PUS10: variants seen among roughly 807,000 people sequenced by gnomAD.
PUS10 encodes the protein pseudouridine synthase 10, also known as tRNA pseudouridine synthase Pus10.
Under a neutral mutation model 75.0 loss-of-function variants are expected in PUS10, and 59 were observed. The observed-to-expected ratio is 0.79, with a 90% CI of 0.64 to 0.98. The LOEUF (loss-of-function observed/expected upper bound fraction) is 0.98, where lower values mean the gene tolerates loss of function less well. Among genes scored for constraint, PUS10 ranks in the 50% least tolerant of loss-of-function variants. PUS10 has a pLI of 0.00. For synonymous variants in PUS10, 219 were observed against 211.6 expected, an observed-to-expected ratio of 1.03 and a Z score of -0.30; for missense variants, 650 against 614.4, an observed-to-expected ratio of 1.06 and a Z score of -0.61.
At chr2:60,953,746 AT>A (rs1239235013) in intron 14 of PUS10, among the ~76,000 whole-genome samples, 186 bp downstream of exon 14, 2 of 152,140 alleles carry the variant, frequency 1.3e-5, no homozygotes, top group African/African-American at 4.8e-5. Flanking sequence ...TATGTTGAGC[AT>A]TTTTTCATAT....
chr2:60,956,093 A>C, intron 11 of PUS10, among the ~76,000 whole-genome samples: 1 of 141,786 alleles, frequency 7.1e-6, no homozygotes, highest in Non-Finnish European at 1.5e-5. Context: ...GGAGAAAATT[A>C]AAAAAAAAAA....
chr2:60,999,834 T>C (rs866160937), intron 4 of PUS10, among the ~76,000 whole-genome samples: 1 of 152,286 alleles, frequency 6.6e-6, no homozygotes, highest in Middle Eastern at 3.4e-3. Flanking sequence ...AAAGGATCTG[T>C]ACTGAGCAGG....
At chr2:61,015,134 T>C (rs1283650000) in intron 1 of PUS10, among the ~76,000 whole-genome samples, 1 of 152,132 alleles carries the variant, frequency 6.6e-6, no homozygotes, top group African/African-American at 2.4e-5. Context: ...ATAGTTAGGG[T>C]TGCCTAAGTA....
chr2:60,996,693 C>T (rs778150423), intron 4 of PUS10, among the ~76,000 whole-genome samples: 3 of 152,052 alleles, frequency 2.0e-5, no homozygotes, highest in Non-Finnish European at 4.4e-5. Flanking sequence ...CATACCCCTA[C>T]GAGACTTGGA....
At chr2:60,950,022 A>G (rs1675237277) in intron 15 of PUS10, among the ~76,000 whole-genome samples, 1 of 152,230 alleles carries the variant, frequency 6.6e-6, no homozygotes, top group Non-Finnish European at 1.5e-5. Flanking sequence ...TGTACGACCC[A>G]TGTGAAAGGC....
intron 15 of PUS10, among the ~76,000 whole-genome samples, chr2:60,950,760 C>T (rs1481772842): frequency 1.3e-5 from 2 of 152,044 alleles, no homozygotes; most frequent in Admixed American, 6.6e-5. Flanking sequence ...TCCCAGTTTA[C>T]TCTACCATTT....
intron 15 of PUS10, among the ~76,000 whole-genome samples, chr2:60,950,636 C>T (rs1573386303): frequency 6.6e-6 from 1 of 152,180 alleles, no homozygotes; most frequent in East Asian, 1.9e-4. Context: ...CCAGGCTGGT[C>T]TCAAACTCCT....
intron 4 of PUS10, among the ~76,000 whole-genome samples, chr2:60,971,912 C>T (rs1373788753): frequency 6.9e-6 from 1 of 144,918 alleles, no homozygotes; most frequent in East Asian, 2.0e-4. Context: ...GCTCTGTCAC[C>T]CAAGCTGGAG....
At chr2:60,947,909 C>T in intron 16 of PUS10, 134 bp downstream of exon 16, 1 of 644,222 alleles carries the variant, frequency 1.6e-6, no homozygotes, top group Non-Finnish European at 2.4e-6. Context: ...AAGAAACAAA[C>T]AAAAATATTC....
At chr2:60,965,180 C>T (rs753833115) in intron 7 of PUS10, 77 bp from the exon 8 acceptor site, 254 of 1,408,424 alleles carry the variant, frequency 1.8e-4, no homozygotes, top group Middle Eastern at 1.7e-3. Context: ...ATATTTCATA[C>T]AAAATGGCTG....
intron 4 of PUS10, among the ~76,000 whole-genome samples, chr2:60,991,877 G>C (rs1211158984): frequency 6.6e-6 from 1 of 152,142 alleles, no homozygotes; most frequent in African/African-American, 2.4e-5. Flanking sequence ...ATTGTGCACA[G>C]ACCATATGAC....
intron 4 of PUS10, among the ~76,000 whole-genome samples, chr2:61,005,390 CTT>C (rs1330019947): frequency 6.6e-6 from 1 of 152,160 alleles, no homozygotes; most frequent in Admixed American, 6.5e-5. Flanking sequence ...TAATATGAAT[CTT>C]AATGTAAAAA....
chr2:60,986,606 G>C (rs1164434336), intron 4 of PUS10, among the ~76,000 whole-genome samples: 1 of 152,162 alleles, frequency 6.6e-6, no homozygotes. Context: ...TCAAGCTGTT[G>C]ATATTTAAGT....
intron 17 of PUS10, among the ~76,000 whole-genome samples, chr2:60,944,039 G>T (rs1674788285): frequency 6.6e-6 from 1 of 151,914 alleles, no homozygotes; most frequent in Admixed American, 6.6e-5. Flanking sequence ...TGAGGCAGGG[G>T]ATCGCTTGAG....
intron 4 of PUS10, among the ~76,000 whole-genome samples, chr2:60,977,345 T>G (rs1469294062): frequency 6.6e-6 from 1 of 152,300 alleles, no homozygotes; most frequent in African/African-American, 2.4e-5. Context: ...TGTGTGTTCA[T>G]AAGTGAGGTT....
chr2:61,002,371 T>C (rs1173155090), intron 4 of PUS10, among the ~76,000 whole-genome samples: 2 of 152,238 alleles, frequency 1.3e-5, no homozygotes, highest in Non-Finnish European at 2.9e-5. Context: ...TTGTGATTAT[T>C]TTGTATCTGT....
chr2:60,971,491 G>T, intron 5 of PUS10, 32 bp downstream of exon 5: 4 of 1,589,940 alleles, frequency 2.5e-6, no homozygotes, highest in Non-Finnish European at 3.5e-6. Context: ...GTATTTGAAT[G>T]GTAGTAAAAA....
At chr2:60,967,283 T>TA in intron 6 of PUS10, 1 of 384,450 alleles carries the variant, frequency 2.6e-6, no homozygotes, top group South Asian at 2.7e-5. Flanking sequence ...GGTACCTTCA[T>TA]AAGTGTCTTA....
chr2:60,966,840 C>T (rs1199359737), intron 6 of PUS10: 1 of 152,222 alleles, frequency 6.6e-6, no homozygotes, highest in Non-Finnish European at 1.5e-5. Flanking sequence ...ATCTGATATT[C>T]AGGGAATTTC....
Sources: gnomAD v4.1 joint callset for allele counts (sites outside exome capture counted in the v4.1 genomes callset) on GRCh38, gnomAD v4.1.1 for gene constraint, MANE v1.5 for transcripts, NCBI Gene and HGNC (gene_info 2026-07-23, HGNC 2026-07-21) for gene names.